Variants in GPHN observed in about 807,000 individuals in gnomAD.
The protein encoded by GPHN is gephyrin.
In GPHN, 17 loss-of-function variants were observed where a neutral mutation model predicts 95.5. The ratio of observed to expected loss-of-function variants is 0.18; its 90% CI spans 0.12 to 0.27. The LOEUF (loss-of-function observed/expected upper bound fraction) is 0.27, where lower values mean the gene tolerates loss of function less well. Among genes scored for constraint, GPHN ranks in the 10% least tolerant of loss-of-function variants. The pLI, the probability that GPHN is intolerant of heterozygous loss-of-function variation, is 1.00. For missense variants in GPHN, 660 were observed against 978.1 expected (o/e 0.67, Z 4.34); for synonymous variants, 320 against 322.5 (o/e 0.99, Z 0.08).
the GPHN span, chr14:67,301,851 CTAAT>C: frequency 9.0e-7 from 1 of 1,108,736 alleles, no homozygotes; most frequent in African/African-American, 1.6e-5. Context: ...ATTATTAGCT[CTAAT>C]TAATTATAAC....
At chr14:67,225,159 C>T in the GPHN span, 1 of 1,585,160 alleles carries the variant, frequency 6.3e-7, no homozygotes, top group Non-Finnish European at 8.6e-7. Context: ...TTTCCTCAAA[C>T]TTGTGCCTCA....
chr14:67,716,556 A>G, the GPHN span, among the ~76,000 whole-genome samples: 2 of 152,144 alleles, frequency 1.3e-5, no homozygotes, highest in Non-Finnish European at 2.9e-5. Context: ...ATTGCATTTT[A>G]ATCTGAACAT....
intron 9 of GPHN, among the ~76,000 whole-genome samples, chr14:66,978,770 G>T (rs1187085025): frequency 6.6e-6 from 1 of 152,076 alleles, no homozygotes; most frequent in Admixed American, 6.6e-5. Flanking sequence ...ATTATTTCTG[G>T]ATGGTTTTCA....
chr14:67,099,728 AGCC>A (rs2077588242), intron 12 of GPHN, among the ~76,000 whole-genome samples: 1 of 152,194 alleles, frequency 6.6e-6, no homozygotes, highest in African/African-American at 2.4e-5. Context: ...GTTTTATATA[AGCC>A]TTTAGAAAAA....
downstream of GPHN, among the ~76,000 whole-genome samples, chr14:67,184,754 G>C (rs935067870): frequency 1.3e-5 from 2 of 152,156 alleles, no homozygotes; most frequent in African/African-American, 2.4e-5. Context: ...TTACTGACTG[G>C]ATACAACTTT....
intron 4 of GPHN, among the ~76,000 whole-genome samples, chr14:66,876,805 C>A (rs1275870143): frequency 1.3e-5 from 2 of 152,162 alleles, no homozygotes; most frequent in African/African-American, 4.8e-5. Flanking sequence ...CAGCTGAATT[C>A]TACCAGAAGT....
chr14:67,656,495 G>A, the GPHN span: 7 of 1,613,798 alleles, frequency 4.3e-6, no homozygotes, highest in African/African-American at 1.3e-5. Flanking sequence ...GTCAGTCTCT[G>A]TGGCAATCCG....
chr14:66,697,176 G>T (rs1278696464), intron 2 of GPHN, among the ~76,000 whole-genome samples: 2 of 152,198 alleles, frequency 1.3e-5, no homozygotes, highest in East Asian at 3.9e-4. Flanking sequence ...GACTACTGAG[G>T]CATTTTATAG....
chr14:66,654,798 A>C (rs28835353), intron 1 of GPHN, among the ~76,000 whole-genome samples: 49,854 of 152,122 alleles, frequency 0.33, 12,026 homozygotes, highest in African/African-American at 0.66. Context: ...ATATTTAAGT[A>C]CAATGTCCAT....
chr14:67,426,661 C>T, the GPHN span, among the ~76,000 whole-genome samples: 87 of 152,236 alleles, frequency 5.7e-4, no homozygotes, highest in Middle Eastern at 3.4e-3. Flanking sequence ...CCGCAACCTC[C>T]GCCTCCTGGA....
intron 4 of GPHN, among the ~76,000 whole-genome samples, chr14:66,859,415 G>A (rs143142860): frequency 0.012 from 1,834 of 152,322 alleles, 19 homozygotes; most frequent in Non-Finnish European, 0.018. Flanking sequence ...CACCAAAGTG[G>A]TATCTCTGCA....
intron 2 of GPHN, chr14:66,709,418 C>CT: frequency 2.2e-6 from 1 of 455,910 alleles, no homozygotes; most frequent in Admixed American, 2.3e-5. Flanking sequence ...AACCCAAGTA[C>CT]TGCGATACCA....
intron 1 of GPHN, among the ~76,000 whole-genome samples, chr14:66,565,739 C>G (rs2060436704): frequency 6.6e-6 from 1 of 152,014 alleles, no homozygotes; most frequent in Non-Finnish European, 1.5e-5. Flanking sequence ...ATTTAAAAAT[C>G]AAGAAAGCAG....
chr14:66,578,501 C>A (rs1409943019), intron 1 of GPHN, among the ~76,000 whole-genome samples: 1 of 151,352 alleles, frequency 6.6e-6, no homozygotes, highest in Non-Finnish European at 1.5e-5. Flanking sequence ...TGAAACAATG[C>A]TACAATAAGA....
At chr14:67,592,118 T>C in the GPHN span, 2 of 175,032 alleles carry the variant, frequency 1.1e-5, no homozygotes, top group Non-Finnish European at 2.5e-5. Context: ...CAGAAGTTGC[T>C]ATATATTTGA....
intron 4 of GPHN, among the ~76,000 whole-genome samples, chr14:66,836,463 A>C (rs1221687060): frequency 1.7e-4 from 24 of 145,352 alleles, no homozygotes; most frequent in Middle Eastern, 3.4e-3. Flanking sequence ...TAAAGACTTA[A>C]ATGTTAGACC....
intron 13 of GPHN, among the ~76,000 whole-genome samples, chr14:67,104,612 A>G (rs1226523974): frequency 1.3e-5 from 2 of 152,106 alleles, no homozygotes; most frequent in South Asian, 4.2e-4. Flanking sequence ...GAATTTACTC[A>G]CTTCTGCTAG....
intron 16 of GPHN, 135 bp from the exon 17 acceptor site, chr14:67,122,121 G>A (rs1266903211): frequency 1.3e-6 from 1 of 778,302 alleles, no homozygotes; most frequent in East Asian, 2.7e-5. Flanking sequence ...GATCCTTTGG[G>A]CATTCACCTT....
the GPHN span, among the ~76,000 whole-genome samples, chr14:67,351,821 T>G: frequency 6.6e-6 from 1 of 151,548 alleles, no homozygotes; most frequent in African/African-American, 2.4e-5. Context: ...ACACCTAGTA[T>G]TAACTTTTTT....
Sources: gnomAD v4.1 joint callset for allele counts (sites outside exome capture counted in the v4.1 genomes callset) on GRCh38, gnomAD v4.1.1 for gene constraint, MANE v1.5 for transcripts, NCBI Gene and HGNC (gene_info 2026-07-23, HGNC 2026-07-21) for gene names.